The following SPAG16 variants were observed in gnomAD, a reference collection of about 807,000 sequenced individuals.
The protein encoded by SPAG16 is sperm associated antigen 16, also known as sperm-associated antigen 16 protein.
A neutral mutation model predicts 80.4 loss-of-function variants in SPAG16; 86 were observed. That is an observed-to-expected ratio of 1.07 (90% confidence interval 0.90 to 1.28). SPAG16 has a LOEUF of 1.28. SPAG16 is among the 50% of genes most tolerant of loss of function. SPAG16 has a pLI of 0.00. For missense variants in SPAG16, 870 were observed against 765.3 expected (o/e 1.14, Z -1.61); for synonymous variants, 294 against 265.9 (o/e 1.11, Z -1.03).
chr2:213,856,109 G>A (rs1047205167), intron 10 of SPAG16, among the ~76,000 whole-genome samples: 3 of 152,140 alleles, frequency 2.0e-5, no homozygotes, highest in Admixed American at 6.6e-5. Context: ...ACAGGCAGTT[G>A]GTAAATATAC....
chr2:213,488,015 A>G (rs1194959093), intron 9 of SPAG16, among the ~76,000 whole-genome samples: 1 of 152,104 alleles, frequency 6.6e-6, no homozygotes, highest in East Asian at 1.9e-4. Context: ...AATTTTTTCC[A>G]TAGGCTTTTT....
At chr2:213,440,830 G>A (rs1187924508) in intron 9 of SPAG16, among the ~76,000 whole-genome samples, 2 of 152,062 alleles carry the variant, frequency 1.3e-5, no homozygotes, top group Non-Finnish European at 2.9e-5. Context: ...ATATATTCTT[G>A]AATAAGAAAG....
intron 11 of SPAG16, among the ~76,000 whole-genome samples, chr2:213,903,210 G>GA (rs2077291020): frequency 2.6e-5 from 4 of 152,272 alleles, no homozygotes; most frequent in African/African-American, 9.6e-5. Context: ...ACTAGGCAGT[G>GA]CCCCCGTAGG....
intron 10 of SPAG16, among the ~76,000 whole-genome samples, chr2:213,691,271 T>C (rs1386588665): frequency 6.6e-6 from 1 of 152,170 alleles, no homozygotes; most frequent in African/African-American, 2.4e-5. Flanking sequence ...TTGGAGCCAA[T>C]AGAATGCAGC....
chr2:213,882,816 G>A (rs1257915691), intron 11 of SPAG16, among the ~76,000 whole-genome samples: 1 of 151,776 alleles, frequency 6.6e-6, no homozygotes, highest in Middle Eastern at 3.2e-3. Context: ...AATTTTAATT[G>A]TTTCTTTTCT....
chr2:213,536,878 G>A (rs2076268083), intron 10 of SPAG16, among the ~76,000 whole-genome samples: 1 of 151,912 alleles, frequency 6.6e-6, no homozygotes, highest in Non-Finnish European at 1.5e-5. Context: ...GTTTATCGCG[G>A]CACTATTCAC....
intron 10 of SPAG16, among the ~76,000 whole-genome samples, chr2:213,607,899 A>G (rs1206465655): frequency 6.6e-6 from 1 of 152,234 alleles, no homozygotes; most frequent in African/African-American, 2.4e-5. Flanking sequence ...CATTAAGGCT[A>G]ATAAGAACCT....
intron 5 of SPAG16, among the ~76,000 whole-genome samples, chr2:213,339,569 A>AT (rs2124948377): frequency 6.6e-6 from 1 of 152,146 alleles, no homozygotes; most frequent in East Asian, 1.9e-4. Context: ...AAGTTGAAAA[A>AT]TTTTTCTGTA....
chr2:214,393,251 G>C (rs1044274946), intron 15 of SPAG16, among the ~76,000 whole-genome samples: 1 of 152,046 alleles, frequency 6.6e-6, no homozygotes, highest in Non-Finnish European at 1.5e-5. Flanking sequence ...TCTTTGTTTT[G>C]GTTGAATGTT....
intron 10 of SPAG16, among the ~76,000 whole-genome samples, chr2:213,573,001 C>T (rs2126012898): frequency 6.6e-6 from 1 of 152,248 alleles, no homozygotes; most frequent in East Asian, 1.9e-4. Context: ...ACCCGATTTT[C>T]CAGGTGCGTC....
At chr2:213,988,681 TA>T (rs200819063) in intron 12 of SPAG16, among the ~76,000 whole-genome samples, 10,369 of 145,456 alleles carry the variant, frequency 0.071, 655 homozygotes, top group African/African-American at 0.17. Flanking sequence ...TTTTTTAAAT[TA>T]AAAAAAAAAA....
Position 213,862,389 on chromosome 2 carries a change from G to T in SPAG16, c.1071-96G>T, listed in dbSNP as rs182776071. On this transcript the variant is annotated intron_variant, in intron 10 of 15. Transcript: ENST00000331683. ...AGTACTCTCAAAACTATCCTGCCTT[G>T]CTAAAATCGGATAATCACTGCCATT... 4.1e-4 allele frequency: 610 copies of T among 1,486,058 alleles called. 3 individuals are homozygous for T. The highest frequency in any genetic ancestry group is 1.0e-4 in the Non-Finnish European group (112 of 1,084,616). The allele number at this position is 1,486,058 out of a possible 1,614,324, so 92.1% of individuals were successfully genotyped here.
intron 15 of SPAG16, among the ~76,000 whole-genome samples, chr2:214,311,144 GT>G (rs5838425): frequency 0.49 from 74,429 of 151,884 alleles, 19,335 homozygotes; most frequent in African/African-American, 0.67. Flanking sequence ...GATCAGCACT[GT>G]TACCTGCATT....
At chr2:213,350,314 C>T (rs544539459) in intron 6 of SPAG16, among the ~76,000 whole-genome samples, 52 of 152,148 alleles carry the variant, frequency 3.4e-4, no homozygotes, top group Non-Finnish European at 5.3e-4. Flanking sequence ...CTAGTTAAGA[C>T]GTGATTTGCT....
intron 10 of SPAG16, among the ~76,000 whole-genome samples, chr2:213,765,214 C>G (rs983419622): frequency 2.6e-5 from 4 of 152,046 alleles, no homozygotes; most frequent in Non-Finnish European, 1.5e-5. Flanking sequence ...ACTAAAAATA[C>G]AAAAATTAGC....
At chr2:213,311,585 A>G (rs567026675) in intron 4 of SPAG16, among the ~76,000 whole-genome samples, 23 of 151,694 alleles carry the variant, frequency 1.5e-4, no homozygotes, top group South Asian at 6.2e-4. Flanking sequence ...AACTAAGCAT[A>G]CTAGTCATAA....
chr2:214,106,560 C>T (rs930403263), intron 13 of SPAG16, among the ~76,000 whole-genome samples: 9 of 152,086 alleles, frequency 5.9e-5, no homozygotes, highest in African/African-American at 1.7e-4. Context: ...AGTACAATGA[C>T]GATAATGAGG....
intron 15 of SPAG16, among the ~76,000 whole-genome samples, chr2:214,160,144 T>A (rs764382232): frequency 3.3e-5 from 5 of 151,954 alleles, no homozygotes; most frequent in Non-Finnish European, 4.4e-5. Context: ...CTGAGTGCTG[T>A]TTGTAAAGAA....
At chr2:213,730,772 C>G (rs2066995427) in intron 10 of SPAG16, among the ~76,000 whole-genome samples, 1 of 152,174 alleles carries the variant, frequency 6.6e-6, no homozygotes. Context: ...TCTGTTCTCT[C>G]TTCTTCTTCA....
Sources: gnomAD v4.1 joint callset for allele counts (sites outside exome capture counted in the v4.1 genomes callset) on GRCh38, gnomAD v4.1.1 for gene constraint, MANE v1.5 for transcripts, NCBI Gene and HGNC (gene_info 2026-07-23, HGNC 2026-07-21) for gene names.